MRPS27: variants seen among roughly 807,000 people sequenced by gnomAD.
MRPS27 encodes the protein small ribosomal subunit protein mS27.
MRPS27 carries 43 observed loss-of-function variants against 48.9 expected under a neutral mutation model. The ratio of observed to expected loss-of-function variants is 0.88; its 90% CI spans 0.69 to 1.13. The LOEUF (loss-of-function observed/expected upper bound fraction) is 1.13. Ranked by LOEUF, MRPS27 falls within the 50% of genes most tolerant of loss-of-function variation. The pLI is 0.00. For synonymous variants in MRPS27, 188 were observed against 171.9 expected (o/e 1.09, Z -0.73); for missense variants, 467 against 476.3 (o/e 0.98, Z 0.18).
At chr5:72,234,466 A>T (rs888837531) in intron 5 of MRPS27, among the ~76,000 whole-genome samples, 4 of 151,924 alleles carry the variant, frequency 2.6e-5, no homozygotes, top group African/African-American at 9.7e-5. Context: ...ACACCTCATC[A>T]TAGCTTAAAA....
rs181306808 is a variant in MRPS27 at position 72,312,480 on chromosome 5, C to T, written c.151+1601G>A. ...ACTTCTTCCATGTCTATAATTATTC[C>T]ACATTTATATGCAATATTTACCTGC... is the stretch of plus-strand genomic sequence containing the variant. On this transcript the variant is annotated intron_variant, in intron 2 of 10. Transcript: ENST00000261413. Among the ~76,000 whole-genome samples the T allele has an allele frequency of 1.2e-3, 185 of 152,266 alleles. 5 individuals carry two copies. Among genetic ancestry groups the T allele is most frequent in the Admixed American group, 0.012 (184 of 15,300 alleles).
chr5:72,271,756 C>T (rs897447377), intron 4 of MRPS27, among the ~76,000 whole-genome samples: 1 of 152,116 alleles, frequency 6.6e-6, no homozygotes, highest in Admixed American at 6.5e-5. Context: ...TTCAAATAAT[C>T]AGTATTAATA....
intron 4 of MRPS27, among the ~76,000 whole-genome samples, chr5:72,269,243 A>C (rs1749174440): frequency 6.6e-6 from 1 of 152,206 alleles, no homozygotes; most frequent in African/African-American, 2.4e-5. Flanking sequence ...CTTTTCCCTG[A>C]TTATCTGTCT....
chr5:72,270,390 A>C (rs1014845046), intron 4 of MRPS27, among the ~76,000 whole-genome samples: 2 of 151,932 alleles, frequency 1.3e-5, no homozygotes, highest in Non-Finnish European at 2.9e-5. Context: ...ATGGAAGTAC[A>C]AATGACTCTT....
In MRPS27 at chr5:72,250,772, T is replaced by C. The variant is rs190450423; in HGVS notation, c.282-12644A>G. 3.3e-5 allele frequency among the ~76,000 whole-genome samples: 5 copies of C among 152,236 alleles called. No homozygotes were observed. In the East Asian group the frequency reaches 9.6e-4, roughly 29 times the overall value. On this transcript the variant is annotated intron_variant, in intron 4 of 10. Transcript: ENST00000261413. ...TGCACATATACAAGCAATACTAAAA[T>C]ATATATTTTTAAAGACAAGGTCTCA...
intron 4 of MRPS27, among the ~76,000 whole-genome samples, chr5:72,284,567 G>T (rs1033138742): frequency 6.6e-6 from 1 of 152,110 alleles, no homozygotes; most frequent in Non-Finnish European, 1.5e-5. Context: ...ATACACCCAT[G>T]ATATAAAATT....
intron 4 of MRPS27, among the ~76,000 whole-genome samples, chr5:72,290,972 T>C (rs781264415): frequency 2.0e-5 from 3 of 152,084 alleles, no homozygotes; most frequent in Non-Finnish European, 2.9e-5. Flanking sequence ...TGGGTGATGG[T>C]GATATCAAAA....
At chr5:72,269,265 T>C (rs748517202) in intron 4 of MRPS27, among the ~76,000 whole-genome samples, 3 of 152,192 alleles carry the variant, frequency 2.0e-5, no homozygotes, top group Non-Finnish European at 4.4e-5. Context: ...GAAGAGGCAG[T>C]GTTTTTCTTG....
At chr5:72,283,290 A>T (rs969178796) in intron 4 of MRPS27, among the ~76,000 whole-genome samples, 7 of 152,166 alleles carry the variant, frequency 4.6e-5, no homozygotes, top group Non-Finnish European at 7.3e-5. Context: ...TTTTTATGTT[A>T]ATTTTTTTCT....
At chr5:72,274,994 C>T (rs1009732929) in intron 4 of MRPS27, among the ~76,000 whole-genome samples, 1 of 152,128 alleles carries the variant, frequency 6.6e-6, no homozygotes, top group Non-Finnish European at 1.5e-5. Flanking sequence ...TCTCTTACCA[C>T]TCCTATTCAA....
intron 4 of MRPS27, among the ~76,000 whole-genome samples, chr5:72,244,766 G>A (rs1022488605): frequency 1.5e-4 from 23 of 151,668 alleles, no homozygotes; most frequent in African/African-American, 5.6e-4. Context: ...TGATCTTCCT[G>A]CCTTGGCCTC....
At chr5:72,311,419 T>C (rs1438280126) in intron 2 of MRPS27, among the ~76,000 whole-genome samples, 1 of 152,194 alleles carries the variant, frequency 6.6e-6, no homozygotes, top group Non-Finnish European at 1.5e-5. Context: ...TAAATATTTG[T>C]CTCCTCTGAA....
At chr5:72,278,187 A>G (rs1371917150) in intron 4 of MRPS27, among the ~76,000 whole-genome samples, 1 of 152,194 alleles carries the variant, frequency 6.6e-6, no homozygotes, top group African/African-American at 2.4e-5. Flanking sequence ...TCATGCCTGT[A>G]ATCCCAGCAC....
Position 72,297,712 on chromosome 5 carries a change from C to CA in MRPS27, c.152-11dup. 3.9e-6 allele frequency: 6 copies of CA among 1,534,938 alleles called. No individual in the cohort carries two copies. The highest frequency in any genetic ancestry group is 1.3e-5 in the South Asian group (1 of 76,098). On this transcript the variant is annotated splice_polypyrimidine_tract_variant and intron_variant, in intron 2 of 10. Transcript: ENST00000261413. ...AAAGATGCAAGATCAGCTGTGAAGA[C>CA]AAAAAAAGAAAAAAAACCTTGTTAA...
At chr5:72,232,284 C>A (rs1748082472) in intron 7 of MRPS27, among the ~76,000 whole-genome samples, 159 bp downstream of exon 7, 1 of 152,096 alleles carries the variant, frequency 6.6e-6, no homozygotes, top group Non-Finnish European at 1.5e-5. Flanking sequence ...ACCTCCAATT[C>A]CATTTGTTAG....
intron 4 of MRPS27, among the ~76,000 whole-genome samples, chr5:72,274,463 A>T (rs568224408): frequency 6.6e-6 from 1 of 152,328 alleles, no homozygotes; most frequent in South Asian, 2.1e-4. Flanking sequence ...TGTCACTGAA[A>T]GTTTATCAGG....
At position 72,300,829 on chromosome 5, in the gene MRPS27, A is replaced by T. The variant is rs116205316; in HGVS notation, c.152-3127T>A. On this transcript the variant is annotated intron_variant, in intron 2 of 10. Coordinates refer to ENST00000261413, the MANE Select transcript of MRPS27 (RefSeq NM_015084.3). ...TCTGAGTGAGCATTTTAAAAGATAA[A>T]TCAGCCAATCAGGATAAAAACCAAT... 2.2e-3 allele frequency among the ~76,000 whole-genome samples: 335 copies of T among 152,340 alleles called. 1 individual carries two copies. The highest frequency in any genetic ancestry group is 3.8e-3 in the Non-Finnish European group (257 of 68,028).
At chr5:72,301,180 C>T (rs1433302761) in intron 2 of MRPS27, among the ~76,000 whole-genome samples, 1 of 152,178 alleles carries the variant, frequency 6.6e-6, no homozygotes, top group Non-Finnish European at 1.5e-5. Flanking sequence ...CTCAATGACT[C>T]AGTACCTACT....
At chr5:72,306,927 C>T (rs1750284891) in intron 2 of MRPS27, among the ~76,000 whole-genome samples, 1 of 152,122 alleles carries the variant, frequency 6.6e-6, no homozygotes, top group Non-Finnish European at 1.5e-5. Context: ...ATTCTACTCT[C>T]TCTACTTCTG....
Sources: allele counts gnomAD v4.1 joint callset (sites outside exome capture counted in the v4.1 genomes callset), GRCh38; gene constraint gnomAD v4.1.1; transcripts MANE v1.5; gene names NCBI Gene and HGNC (gene_info 2026-07-23, HGNC 2026-07-21).